The following MARCHF1 variants were observed in gnomAD, a reference collection of about 807,000 sequenced individuals.
MARCHF1 encodes membrane associated ring-CH-type finger 1, also known as E3 ubiquitin-protein ligase MARCHF1.
A neutral mutation model predicts 54.2 loss-of-function variants in MARCHF1; 40 were observed. That is an observed-to-expected ratio of 0.74 (90% CI 0.57 to 0.96). The LOEUF is 0.96. MARCHF1 is among the 40% of genes least tolerant of loss of function. The pLI is 0.00. For synonymous variants in MARCHF1, 236 were observed against 236.3 expected (o/e 1.00, Z 0.01); for missense variants, 586 against 656.5 (o/e 0.89, Z 1.17).
intron 2 of MARCHF1, among the ~76,000 whole-genome samples, chr4:163,999,279 G>C (rs1335153658): frequency 6.6e-6 from 1 of 151,286 alleles, no homozygotes; most frequent in African/African-American, 2.4e-5. Flanking sequence ...TAAACTCCTT[G>C]GTACATGGCT....
At chr4:164,340,569 G>A (rs996361327) in intron 1 of MARCHF1, among the ~76,000 whole-genome samples, 4 of 150,538 alleles carry the variant, frequency 2.7e-5, no homozygotes, top group East Asian at 2.0e-4. Flanking sequence ...AGCTGGGACC[G>A]CCCCACACCA....
chr4:164,033,922 G>C (rs779766023), intron 2 of MARCHF1, among the ~76,000 whole-genome samples: 1 of 152,058 alleles, frequency 6.6e-6, no homozygotes, highest in African/African-American at 2.4e-5. Context: ...TCTCATTACT[G>C]GGTATATACC....
intron 2 of MARCHF1, among the ~76,000 whole-genome samples, chr4:164,083,290 T>TC (rs925266672): frequency 1.8e-4 from 18 of 102,168 alleles, no homozygotes; most frequent in Non-Finnish European, 4.6e-4. Flanking sequence ...TACTGAAAGG[T>TC]TTTTTTTTCA....
At chr4:163,898,280 T>C (rs1275756684) in intron 3 of MARCHF1, among the ~76,000 whole-genome samples, 1 of 151,968 alleles carries the variant, frequency 6.6e-6, no homozygotes, top group Non-Finnish European at 1.5e-5. Flanking sequence ...AAAATATTTG[T>C]AAATTATGCC....
intron 7 of MARCHF1, among the ~76,000 whole-genome samples, chr4:163,589,652 G>A (rs1322502039): frequency 3.3e-5 from 5 of 152,074 alleles, no homozygotes; most frequent in African/African-American, 4.8e-5. Flanking sequence ...AATCACAATC[G>A]CTGAATTATA....
intron 4 of MARCHF1, among the ~76,000 whole-genome samples, chr4:163,707,680 C>T (rs1356627501): frequency 1.3e-5 from 2 of 150,692 alleles, no homozygotes; most frequent in African/African-American, 4.9e-5. Context: ...AAAAATATCA[C>T]TTCATGCAGT....
intron 9 of MARCHF1, among the ~76,000 whole-genome samples, chr4:163,535,827 A>T (rs899331067): frequency 2.0e-5 from 3 of 150,994 alleles, no homozygotes; most frequent in African/African-American, 7.3e-5. Flanking sequence ...TGAAACACTG[A>T]CTCAGTGTAG....
chr4:164,188,649 C>A, intron 1 of MARCHF1: 1 of 1,072,034 alleles, frequency 9.3e-7, no homozygotes, highest in South Asian at 1.2e-5. Flanking sequence ...CCCAAGAACA[C>A]GGTCTTTGAC....
At chr4:164,254,765 C>T (rs557408483) in intron 1 of MARCHF1, among the ~76,000 whole-genome samples, 1 of 152,208 alleles carries the variant, frequency 6.6e-6, no homozygotes, top group African/African-American at 2.4e-5. Flanking sequence ...CAGCCTCTCC[C>T]TTTCATGTTT....
At chr4:163,580,249 T>C (rs1164935434) in intron 8 of MARCHF1, among the ~76,000 whole-genome samples, 1 of 151,810 alleles carries the variant, frequency 6.6e-6, no homozygotes, top group East Asian at 1.9e-4. Flanking sequence ...CAGGTAATTT[T>C]TTGTATTTTT....
At chr4:163,815,625 T>A (rs1241578369) in intron 4 of MARCHF1, among the ~76,000 whole-genome samples, 1 of 152,142 alleles carries the variant, frequency 6.6e-6, no homozygotes, top group Non-Finnish European at 1.5e-5. Context: ...CTGCTAACAG[T>A]GAATTTTTTT....
intron 3 of MARCHF1, among the ~76,000 whole-genome samples, chr4:163,918,140 G>A (rs573244155): frequency 6.6e-6 from 1 of 152,154 alleles, no homozygotes; most frequent in South Asian, 2.1e-4. Flanking sequence ...GCATCATTTA[G>A]TAAATAGGGA....
At chr4:163,925,103 A>G (rs1467777728) in intron 3 of MARCHF1, among the ~76,000 whole-genome samples, 1 of 151,896 alleles carries the variant, frequency 6.6e-6, no homozygotes, top group African/African-American at 2.4e-5. Flanking sequence ...TAAACTTCTT[A>G]TAGACCTTGT....
chr4:164,199,779 T>A (rs2111083107), intron 1 of MARCHF1, among the ~76,000 whole-genome samples: 1 of 150,520 alleles, frequency 6.6e-6, no homozygotes, highest in African/African-American at 2.4e-5. Context: ...TATGACAATT[T>A]TATTTCCCTG....
intron 1 of MARCHF1, among the ~76,000 whole-genome samples, chr4:164,153,103 T>C (rs1036430974): frequency 7.7e-6 from 1 of 130,110 alleles, no homozygotes; most frequent in African/African-American, 3.0e-5. Context: ...TTTATAGAGA[T>C]TGACTCTTTT....
intron 1 of MARCHF1, among the ~76,000 whole-genome samples, chr4:164,124,769 C>G (rs1405574406): frequency 6.6e-6 from 1 of 151,918 alleles, no homozygotes; most frequent in African/African-American, 2.4e-5. Context: ...GGATTGTTAC[C>G]AATGCCAGGA....
intron 3 of MARCHF1, among the ~76,000 whole-genome samples, chr4:163,942,045 C>A (rs1315782769): frequency 6.6e-6 from 1 of 152,084 alleles, no homozygotes. Flanking sequence ...AGGTAAAACA[C>A]TTTCTCAATA....
chr4:164,107,819 A>G (rs1397608042), intron 2 of MARCHF1, among the ~76,000 whole-genome samples: 5 of 4,990 alleles, frequency 1.0e-3, no homozygotes, highest in South Asian at 6.4e-3. Context: ...CGATAATACA[A>G]AAAAAAAGAG....
chr4:164,216,188 CCTTTACG>C lies in MARCHF1; in HGVS notation c.-322-104533_-322-104527del, dbSNP rs1182885927. 3.3e-5 allele frequency among the ~76,000 whole-genome samples: 5 copies of C among 152,144 alleles called. No individual in the cohort carries two copies. The East Asian group carries it at 9.6e-4, about 29-fold the overall frequency. The stretch of plus-strand genomic sequence containing the variant: ...ACATTTGAACTCATGAATGTACTTC[CCTTTACG>C]GTTTGGCCATTTATTTGCCCTCAAC... On this transcript the variant is annotated intron_variant, in intron 1 of 9. Coordinates refer to ENST00000514618, the MANE Select transcript of MARCHF1 (RefSeq NM_001394959.1).
Sources: gnomAD v4.1 joint callset for allele counts (sites outside exome capture counted in the v4.1 genomes callset) on GRCh38, gnomAD v4.1.1 for gene constraint, MANE v1.5 for transcripts, NCBI Gene and HGNC (gene_info 2026-07-23, HGNC 2026-07-21) for gene names.